KLF12: variants seen among roughly 807,000 people sequenced by gnomAD.
KLF12 encodes the protein Krueppel-like factor 12.
In KLF12, 9 loss-of-function variants were observed where a neutral mutation model predicts 37.8. The observed-to-expected ratio is 0.24, with a 90% CI of 0.14 to 0.42. KLF12 has a LOEUF of 0.42. Ranked by LOEUF, KLF12 falls within the 10% of genes least tolerant of loss-of-function variation. The probability of loss-of-function intolerance (pLI) is 1.00; values close to 1 mark genes in which losing one functional copy is unlikely to be tolerated. For missense variants in KLF12, 411 were observed against 516.0 expected, an observed-to-expected ratio of 0.80 and a Z score of 1.97; for synonymous variants, 208 against 202.1, an observed-to-expected ratio of 1.03 and a Z score of -0.25.
chr13:73,851,976 T>C (rs1253892285), intron 3 of KLF12, among the ~76,000 whole-genome samples: 3 of 152,170 alleles, frequency 2.0e-5, no homozygotes, highest in Non-Finnish European at 4.4e-5. Context: ...TTTTTATTAG[T>C]AGTAAATGAA....
At chr13:73,991,969 CTT>C (rs1437743235) in intron 2 of KLF12, among the ~76,000 whole-genome samples, 2 of 152,240 alleles carry the variant, frequency 1.3e-5, no homozygotes, top group Non-Finnish European at 2.9e-5. Flanking sequence ...AAGGCTTGCT[CTT>C]GTTCTCTTGA....
At chr13:74,107,109 G>A (rs1876694666) in intron 1 of KLF12, among the ~76,000 whole-genome samples, 1 of 146,470 alleles carries the variant, frequency 6.8e-6, no homozygotes, top group Non-Finnish European at 1.5e-5. Flanking sequence ...TGGAAGGGAT[G>A]TGGGGGGCTA....
At chr13:74,018,690 C>G (rs1043651163) in intron 1 of KLF12, among the ~76,000 whole-genome samples, 2 of 152,128 alleles carry the variant, frequency 1.3e-5, no homozygotes, top group African/African-American at 4.8e-5. Context: ...ATGAATTATT[C>G]ACTAAGGGGG....
the KLF12 span, among the ~76,000 whole-genome samples, chr13:74,298,352 T>C: frequency 2.0e-5 from 3 of 152,170 alleles, no homozygotes; most frequent in Admixed American, 1.3e-4. Context: ...ATTGGGCAGG[T>C]GTCATCTGCT....
At chr13:74,296,959 A>G in the KLF12 span, among the ~76,000 whole-genome samples, 1 of 152,222 alleles carries the variant, frequency 6.6e-6, no homozygotes, top group Non-Finnish European at 1.5e-5. Flanking sequence ...TTGTAGCTTG[A>G]TGAGCAGTTG....
chr13:74,070,624 C>T (rs1236924221), intron 1 of KLF12, among the ~76,000 whole-genome samples: 3 of 152,128 alleles, frequency 2.0e-5, no homozygotes, highest in Non-Finnish European at 4.4e-5. Context: ...GATAGGCCCA[C>T]TAATTGGTCA....
At chr13:73,837,005 A>G (rs1436800116) in intron 4 of KLF12, among the ~76,000 whole-genome samples, 1 of 152,180 alleles carries the variant, frequency 6.6e-6, no homozygotes, top group African/African-American at 2.4e-5. Flanking sequence ...CCATTTTTTA[A>G]ACATCTTCTT....
the KLF12 span, among the ~76,000 whole-genome samples, chr13:74,214,059 A>T: frequency 6.6e-6 from 1 of 152,190 alleles, no homozygotes; most frequent in Non-Finnish European, 1.5e-5. Flanking sequence ...GTCAAGTAGC[A>T]TAGTTAAATT....
At chr13:74,010,590 CAT>C (rs1236476570) in intron 1 of KLF12, among the ~76,000 whole-genome samples, 1 of 152,064 alleles carries the variant, frequency 6.6e-6, no homozygotes, top group Non-Finnish European at 1.5e-5. Flanking sequence ...GAATCTAAAA[CAT>C]GTAATTTGTA....
At chr13:73,994,472 C>G (rs922443394) in intron 2 of KLF12, among the ~76,000 whole-genome samples, 58 of 146,818 alleles carry the variant, frequency 4.0e-4, no homozygotes, top group African/African-American at 1.3e-3. Flanking sequence ...AGCGCCCCCC[C>G]CACCACCACA....
intron 5 of KLF12, among the ~76,000 whole-genome samples, chr13:73,768,626 T>C (rs1476151796): frequency 6.6e-6 from 1 of 152,184 alleles, no homozygotes; most frequent in Non-Finnish European, 1.5e-5. Context: ...TTATGACCCA[T>C]TCAAGAACAA....
At chr13:74,057,575 C>G (rs1277975920) in intron 1 of KLF12, among the ~76,000 whole-genome samples, 1 of 152,212 alleles carries the variant, frequency 6.6e-6, no homozygotes, top group Non-Finnish European at 1.5e-5. Flanking sequence ...GTCACTTCCA[C>G]CTCCTAAACT....
chr13:73,908,230 G>A (rs1195582163), intron 3 of KLF12, among the ~76,000 whole-genome samples: 4 of 151,576 alleles, frequency 2.6e-5, no homozygotes, highest in Non-Finnish European at 1.5e-5. Context: ...GTGAAACCCT[G>A]TTTCTACTAA....
chr13:73,741,242 GAAGCACGACTGGA>G (rs1877954191), intron 6 of KLF12, among the ~76,000 whole-genome samples: 1 of 152,092 alleles, frequency 6.6e-6, no homozygotes, highest in South Asian at 2.1e-4. Context: ...ATGTGATGAG[GAAGCACGACTGGA>G]AAGCTCACAT....
At chr13:73,918,078 CTACACACACACACACCATA>C (rs1448652825) in intron 3 of KLF12, among the ~76,000 whole-genome samples, 1 of 151,594 alleles carries the variant, frequency 6.6e-6, no homozygotes, top group Non-Finnish European at 1.5e-5. Context: ...ACACCAACAT[CTACACACACACACACCATA>C]TACACACACA....
chr13:73,989,543 A>G (rs1225175041), intron 2 of KLF12, among the ~76,000 whole-genome samples: 1 of 152,152 alleles, frequency 6.6e-6, no homozygotes, highest in Non-Finnish European at 1.5e-5. Flanking sequence ...GGAAGACAGG[A>G]GCCCTTCACT....
At chr13:74,140,537 T>G in the KLF12 span, among the ~76,000 whole-genome samples, 4 of 152,154 alleles carry the variant, frequency 2.6e-5, no homozygotes, top group Non-Finnish European at 5.9e-5. Flanking sequence ...TATTTGAGAG[T>G]GCCATTTTCC....
intron 1 of KLF12, among the ~76,000 whole-genome samples, chr13:74,063,002 G>T (rs1041880372): frequency 6.6e-6 from 1 of 152,118 alleles, no homozygotes; most frequent in South Asian, 2.1e-4. Flanking sequence ...AGCCCCAGCC[G>T]GTGTGAAATG....
chr13:73,986,842 G>A (rs532301052), intron 2 of KLF12, among the ~76,000 whole-genome samples: 2 of 152,236 alleles, frequency 1.3e-5, no homozygotes, highest in Non-Finnish European at 2.9e-5. Flanking sequence ...ATCAGTCCTA[G>A]GACCTCCAGA....
Sources: gnomAD v4.1 joint callset for allele counts (sites outside exome capture counted in the v4.1 genomes callset) on GRCh38, gnomAD v4.1.1 for gene constraint, MANE v1.5 for transcripts, NCBI Gene and HGNC (gene_info 2026-07-23, HGNC 2026-07-21) for gene names.